ZBTB20: variants seen among roughly 807,000 people sequenced by gnomAD.
ZBTB20 encodes zinc finger and BTB domain-containing protein 20.
ZBTB20 carries 9 observed loss-of-function variants against 56.9 expected under a neutral mutation model. The ratio of observed to expected loss-of-function variants is 0.16; its 90% confidence interval spans 0.10 to 0.28. The LOEUF is 0.28. Ranked by LOEUF, ZBTB20 falls within the 10% of genes least tolerant of loss-of-function variation. The pLI, the probability that ZBTB20 is intolerant of heterozygous loss-of-function variation, is 1.00. For synonymous variants in ZBTB20, 417 were observed against 420.7 expected (o/e 0.99, Z 0.11); for missense variants, 655 against 1,003.0 (o/e 0.65, Z 4.69).
chr3:114,944,881 C>T lies in ZBTB20; in HGVS notation c.-456+29485G>A, dbSNP rs942350181. ...CAAAAAGCACAAAGTTTCAGCTAGA[C>T]AAGAGGAATAAGTTTTAGAGATATA... On this transcript the variant is annotated intron_variant, in intron 3 of 11. Coordinates refer to ENST00000675478, the MANE Select transcript of ZBTB20 (RefSeq NM_001348800.3). Among the ~76,000 whole-genome samples, 9 of 145,186 alleles carry T rather than the reference C, an allele frequency of 6.2e-5. 2 individuals are homozygous for T. Among genetic ancestry groups the T allele is most frequent in the South Asian group, 4.3e-4 (2 of 4,676 alleles).
intron 6 of ZBTB20, among the ~76,000 whole-genome samples, chr3:114,679,495 A>G (rs1434435096): frequency 2.6e-5 from 4 of 152,252 alleles, no homozygotes; most frequent in Non-Finnish European, 5.9e-5. Context: ...ACACGTCTCA[A>G]AAGAAGATAA....
chr3:114,914,428 C>A (rs2075665359), intron 3 of ZBTB20, among the ~76,000 whole-genome samples: 1 of 151,966 alleles, frequency 6.6e-6, no homozygotes, highest in African/African-American at 2.4e-5. Context: ...GACTTTGTAT[C>A]CTGCAAATTT....
intron 6 of ZBTB20, among the ~76,000 whole-genome samples, chr3:114,652,159 A>AC (rs1169273007): frequency 6.6e-6 from 1 of 152,124 alleles, no homozygotes; most frequent in Non-Finnish European, 1.5e-5. Context: ...CCACCATAAC[A>AC]GAGACATAGA....
intron 2 of ZBTB20, among the ~76,000 whole-genome samples, chr3:115,020,586 A>G (rs2080163167): frequency 6.6e-6 from 1 of 151,052 alleles, no homozygotes; most frequent in South Asian, 2.1e-4. Flanking sequence ...CCTTTTTAAA[A>G]CATTTAATTG....
intron 5 of ZBTB20, among the ~76,000 whole-genome samples, chr3:114,732,401 T>C (rs1274222): frequency 0.22 from 33,163 of 152,116 alleles, 3,950 homozygotes; most frequent in East Asian, 0.38. Context: ...TGGTCAGAGA[T>C]AGACCTGCAA....
chr3:115,076,648 G>A (rs1001707840), intron 1 of ZBTB20, among the ~76,000 whole-genome samples: 3 of 152,066 alleles, frequency 2.0e-5, no homozygotes, highest in Admixed American at 2.0e-4. Context: ...TAATTTCATG[G>A]CTGTAACATC....
intron 4 of ZBTB20, among the ~76,000 whole-genome samples, chr3:114,802,869 C>T (rs900292378): frequency 6.6e-6 from 1 of 151,864 alleles, no homozygotes; most frequent in Non-Finnish European, 1.5e-5. Context: ...GTGATAGAAA[C>T]TAGGCTGAAT....
Position 114,333,274 on chromosome 3 carries a change from C to G in ZBTB20, c.*5731G>C, listed in dbSNP as rs1388994171. ...AAATAGCAACTCTACACGGAAAGCC[C>G]TTGGGAATATGAAAATACTCTCTCT... On this transcript the variant is annotated 3_prime_UTR_variant, in exon 12 of 12. Transcript: ENST00000675478. The G allele has an allele frequency of 6.6e-6, 1 of 152,160 alleles. No homozygotes were observed. The highest frequency in any genetic ancestry group is 2.4e-5 in the African/African-American group (1 of 41,420). The allele number at this position is 152,160 out of a possible 1,614,324, so 9.4% of individuals were successfully genotyped here. A position where few individuals can be genotyped will look rare whatever the true frequency, so the allele number is the denominator to read the frequency against.
At chr3:114,913,089 G>A (rs187416866) in intron 3 of ZBTB20, among the ~76,000 whole-genome samples, 25 of 152,022 alleles carry the variant, frequency 1.6e-4, no homozygotes, top group Admixed American at 5.9e-4. Flanking sequence ...TTTGTTTTGG[G>A]TATATACCTA....
intron 5 of ZBTB20, among the ~76,000 whole-genome samples, chr3:114,725,929 G>A (rs1244082447): frequency 6.6e-6 from 1 of 152,182 alleles, no homozygotes; most frequent in Non-Finnish European, 1.5e-5. Flanking sequence ...CCGAAGATCT[G>A]CAAAAGTCAG....
At chr3:114,360,509 AT>A (rs567314378) in intron 10 of ZBTB20, among the ~76,000 whole-genome samples, 4,388 of 140,320 alleles carry the variant, frequency 0.031, 144 homozygotes, top group East Asian at 0.1. Flanking sequence ...AACTCGGCTA[AT>A]TTTTTTTTTT....
intron 5 of ZBTB20, among the ~76,000 whole-genome samples, chr3:114,739,811 C>T (rs1420087477): frequency 1.3e-5 from 2 of 152,208 alleles, no homozygotes; most frequent in African/African-American, 4.8e-5. Context: ...GGCATTCTGA[C>T]ATTCCACCAC....
At chr3:114,857,887 G>A (rs555927279) in intron 4 of ZBTB20, among the ~76,000 whole-genome samples, 1 of 152,276 alleles carries the variant, frequency 6.6e-6, no homozygotes, top group African/African-American at 2.4e-5. Context: ...TGTCCCTTGT[G>A]GTGCTAGGCC....
chr3:114,770,210 G>A (rs570332170), intron 5 of ZBTB20, among the ~76,000 whole-genome samples: 4 of 151,524 alleles, frequency 2.6e-5, no homozygotes, highest in East Asian at 2.0e-4. Context: ...GAACTTACTC[G>A]TATAGATCAC....
chr3:114,860,260 TC>T (rs1296888434), intron 4 of ZBTB20, among the ~76,000 whole-genome samples: 1 of 151,138 alleles, frequency 6.6e-6, no homozygotes, highest in African/African-American at 2.4e-5. Context: ...TGAGCCGAGA[TC>T]GTGCCACTGC....
chr3:114,827,832 T>G (rs892369547), intron 4 of ZBTB20, among the ~76,000 whole-genome samples: 1 of 151,696 alleles, frequency 6.6e-6, no homozygotes, highest in African/African-American at 2.4e-5. Flanking sequence ...TATCCAATAC[T>G]TCAATATAGA....
intron 2 of ZBTB20, among the ~76,000 whole-genome samples, chr3:114,999,568 G>A (rs986106954): frequency 2.0e-5 from 3 of 150,984 alleles, no homozygotes; most frequent in Non-Finnish European, 3.0e-5. Flanking sequence ...ATTTATATTC[G>A]ATACCAATAT....
intron 5 of ZBTB20, among the ~76,000 whole-genome samples, chr3:114,722,712 C>T (rs2065000087): frequency 6.6e-6 from 1 of 152,208 alleles, no homozygotes; most frequent in African/African-American, 2.4e-5. Context: ...TCTCTTCCAT[C>T]CTTTTCTCAG....
In ZBTB20 at chr3:114,603,299, C is replaced by T. The variant is rs573976133; in HGVS notation, c.-295+90229G>A. On this transcript the variant is annotated intron_variant, in intron 6 of 11. Coordinates refer to ENST00000675478, the MANE Select transcript of ZBTB20 (RefSeq NM_001348800.3). Reference sequence around the variant, plus strand: ...GCAGAAAGAGATGAGATTTAGTGTACTATGCAAATTATAGTAGGTCCACCA... The same window carrying T: ...GCAGAAAGAGATGAGATTTAGTGTATTATGCAAATTATAGTAGGTCCACCA... Among the ~76,000 whole-genome samples, 59 of 152,064 alleles carry T rather than the reference C, an allele frequency of 3.9e-4. No individual in the cohort carries two copies. The South Asian group carries it at 0.012, about 30-fold the overall frequency.
Sources: allele counts gnomAD v4.1 joint callset (sites outside exome capture counted in the v4.1 genomes callset), GRCh38; gene constraint gnomAD v4.1.1; transcripts MANE v1.5; gene names NCBI Gene and HGNC (gene_info 2026-07-23, HGNC 2026-07-21).